The following RPS3 variants were observed in gnomAD, a reference collection of about 807,000 sequenced individuals.
The protein encoded by RPS3 is small ribosomal subunit protein uS3.
RPS3 carries 2 observed loss-of-function variants against 25.8 expected under a neutral mutation model. The observed-to-expected ratio is 0.08, with a 90% CI of 0.03 to 0.24. RPS3 has a LOEUF of 0.24. Ranked by LOEUF, RPS3 falls within the 10% of genes least tolerant of loss-of-function variation. The pLI, the probability that RPS3 is intolerant of heterozygous loss-of-function variation, is 1.00. For synonymous variants in RPS3, 114 were observed against 114.2 expected, an observed-to-expected ratio of 1.00 and a Z score of 0.01; for missense variants, 107 against 307.1, an observed-to-expected ratio of 0.35 and a Z score of 4.87.
At chr11:75,419,223 G>A (rs546012166) in intron 6 of RPS3, among the ~76,000 whole-genome samples, 2 of 152,266 alleles carry the variant, frequency 1.3e-5, no homozygotes, top group South Asian at 4.1e-4. Context: ...TGATTTAACT[G>A]GATGAAAATA....
intron 6 of RPS3, among the ~76,000 whole-genome samples, chr11:75,412,261 T>C (rs1052853792): frequency 1.3e-5 from 2 of 152,200 alleles, no homozygotes; most frequent in African/African-American, 4.8e-5. Flanking sequence ...CAAATTCTTA[T>C]GTTGAAGCCC....
At chr11:75,401,520 G>T (rs1325899875) in intron 2 of RPS3, 120 bp from the exon 3 acceptor site, 1 of 725,932 alleles carries the variant, frequency 1.4e-6, no homozygotes, top group Non-Finnish European at 2.3e-6. Flanking sequence ...AAAAATTTTA[G>T]TTTTTGTCAA....
At chr11:75,413,250 T>TATA (rs371529214) in intron 6 of RPS3, among the ~76,000 whole-genome samples, 83 of 124,708 alleles carry the variant, frequency 6.7e-4, no homozygotes, top group East Asian at 2.5e-3. Context: ...TATATATATA[T>TATA]TTTTTTTTTT....
Position 75,406,790 on chromosome 11 carries a change from A to G in RPS3, c.*1180A>G, listed in dbSNP as rs1172235587. 1 of 152,018 alleles carries G rather than the reference A, an allele frequency of 6.6e-6. No individual in the cohort carries two copies. The highest frequency in any genetic ancestry group is 1.5e-5 in the Non-Finnish European group (1 of 67,984). The allele number at this position is 152,018 out of a possible 1,614,324, so 9.4% of individuals were successfully genotyped here. Reference sequence around the variant, plus strand: ...GTGTGTGTATTGAACATGTAGACTTATTTTTCTTATTTTCAAAATACTATA... The same window carrying G: ...GTGTGTGTATTGAACATGTAGACTTGTTTTTCTTATTTTCAAAATACTATA... On this transcript the variant is annotated 3_prime_UTR_variant, in exon 7 of 7. Transcript: ENST00000531188.
chr11:75,410,042 G>A (rs1948332071), downstream of RPS3, among the ~76,000 whole-genome samples: 1 of 141,742 alleles, frequency 7.1e-6, no homozygotes, highest in South Asian at 2.2e-4. Context: ...TCACCTCCCG[G>A]ACGGGGCGGC....
At chr11:75,420,624 G>A (rs1012463548) in intron 6 of RPS3, among the ~76,000 whole-genome samples, 1 of 152,048 alleles carries the variant, frequency 6.6e-6, no homozygotes, top group Admixed American at 6.6e-5. Context: ...CGGCAATAGT[G>A]CCTGCCTTAC....
In RPS3 at chr11:75,404,086, T is replaced by C; in HGVS notation, c.417T>C (p.Ser139=). The C allele has an allele frequency of 6.2e-7, 1 of 1,613,884 alleles. No homozygotes were observed. The highest frequency in any genetic ancestry group is 8.5e-7 in the Non-Finnish European group (1 of 1,180,030). ...CCAAAGGCTGCGAGGTTGTGGTGTC[T>C]GGGAAACTCCGAGGACAGAGGGCTA... The part of the protein sequence containing the change: ...SGAKGCEVVV[S]GKLRGQRAKS... Residue 139 remains serine (S), a synonymous_variant, in exon 5 of 7, where the codon TCT becomes TCC. Transcript: ENST00000531188. The surrounding 1 kb of genome is among the most constrained non-coding windows in gnomAD (Gnocchi z 4.6).
At chr11:75,407,510 C>T (rs1174478272), downstream of RPS3, among the ~76,000 whole-genome samples, 1 of 151,974 alleles carries the variant, frequency 6.6e-6, no homozygotes, top group East Asian at 1.9e-4. Context: ...CTCGCTCTGT[C>T]ACCCAGGCTG....
rs1948276443 is a variant in RPS3 at position 75,405,644 on chromosome 11, G to A, written c.*34G>A. 1 of 456,160 alleles carries A rather than the reference G, an allele frequency of 2.2e-6. No individual in the cohort carries two copies. Among genetic ancestry groups the A allele is most frequent in the Non-Finnish European group, 4.4e-6 (1 of 226,948 alleles). 28.3% of individuals were successfully genotyped at this position (456,160 alleles called of 1,614,324 possible). A position where few individuals can be genotyped will look rare whatever the true frequency, so the allele number is the denominator to read the frequency against. ...CCTTGGCAGCTGTATTCTGGAGTCT[G>A]GATGTTGCTCTCTAAAGACCTTTAA... On this transcript the variant is annotated 3_prime_UTR_variant, in exon 7 of 7. Coordinates refer to ENST00000531188, the MANE Select transcript of RPS3 (RefSeq NM_001005.5).
At chr11:75,421,056 CTTCT>C (rs1948439659) in intron 6 of RPS3, among the ~76,000 whole-genome samples, 1 of 152,172 alleles carries the variant, frequency 6.6e-6, no homozygotes, top group African/African-American at 2.4e-5. Context: ...GATATGATGC[CTTCT>C]TTGCTTTGTC....
intron 4 of RPS3, chr11:75,403,027 A>T (rs3094303): frequency 6.6e-6 from 1 of 152,170 alleles, no homozygotes; most frequent in Non-Finnish European, 1.5e-5. Context: ...TACTGGTAAG[A>T]TTTCAACAGG....
Position 75,406,330 on chromosome 11 carries a change from A to G in RPS3, c.*720A>G, listed in dbSNP as rs1006768637. 1 of 152,238 alleles carries G rather than the reference A, an allele frequency of 6.6e-6. No homozygotes were observed. The highest frequency in any genetic ancestry group is 1.5e-5 in the Non-Finnish European group (1 of 68,034). 9.4% of individuals were successfully genotyped at this position (152,238 alleles called of 1,614,324 possible). A position where few individuals can be genotyped will look rare whatever the true frequency, so the allele number is the denominator to read the frequency against. ...ATTCGGCACTATTTTTTCAGGCAAA[A>G]CTAGTGAGGGACAGGTTGGCTTGAA... On this transcript the variant is annotated 3_prime_UTR_variant, in exon 7 of 7. Transcript: ENST00000531188.
intron 4 of RPS3, chr11:75,402,998 T>C (rs1267710875): frequency 1.3e-5 from 2 of 152,282 alleles, no homozygotes; most frequent in African/African-American, 2.4e-5. Context: ...TGCATGCAGA[T>C]AGTAGTAATG....
At chr11:75,410,823 A>G (rs1479793445), downstream of RPS3, among the ~76,000 whole-genome samples, 2 of 152,042 alleles carry the variant, frequency 1.3e-5, no homozygotes, top group African/African-American at 2.4e-5. Context: ...GTCTCCACCA[A>G]AAAAAAACGA....
chr11:75,415,510 T>C (rs1165605488), intron 6 of RPS3, among the ~76,000 whole-genome samples: 2 of 152,072 alleles, frequency 1.3e-5, no homozygotes, highest in Non-Finnish European at 2.9e-5. Flanking sequence ...CTGTCTCTAC[T>C]AAAAATACAA....
intron 3 of RPS3, chr11:75,402,041 T>C: frequency 1.8e-6 from 1 of 544,564 alleles, no homozygotes. Context: ...GTGTAGGTGG[T>C]AGAAGTGCTT....
chr11:75,407,263 C>A (rs1288304347), downstream of RPS3, among the ~76,000 whole-genome samples: 1 of 152,098 alleles, frequency 6.6e-6, no homozygotes, highest in Non-Finnish European at 1.5e-5. Flanking sequence ...CTCAGCCTCC[C>A]GCTAGCTGGG....
At chr11:75,407,114 A>G (rs3094304), downstream of RPS3, among the ~76,000 whole-genome samples, 11,011 of 152,170 alleles carry the variant, frequency 0.072, 523 homozygotes, top group South Asian at 0.22. Context: ...TTTTTGAAAG[A>G]GCCTTTGATG....
intron 6 of RPS3, among the ~76,000 whole-genome samples, chr11:75,412,021 C>T (rs141977520): frequency 1.3e-5 from 2 of 152,284 alleles, no homozygotes; most frequent in African/African-American, 4.8e-5. Context: ...ATGGCCCCAC[C>T]CTCAGGACTG....
Sources: gnomAD v4.1 joint callset for allele counts (sites outside exome capture counted in the v4.1 genomes callset) on GRCh38, gnomAD v4.1.1 for gene constraint, Gnocchi (gnomAD v3.1) non-coding constraint, MANE v1.5 for transcripts, NCBI Gene and HGNC (gene_info 2026-07-23, HGNC 2026-07-21) for gene names.